Variants in INTS4 observed in about 807,000 individuals in gnomAD.
The protein encoded by INTS4 is MSTP093.
A neutral mutation model predicts 119.5 loss-of-function variants in INTS4; 70 were observed. The ratio of observed to expected loss-of-function variants is 0.59; its 90% CI spans 0.48 to 0.71. The LOEUF is 0.71. INTS4 is among the 30% of genes least tolerant of loss of function. The pLI is 0.00. For synonymous variants in INTS4, 316 were observed against 419.6 expected, an observed-to-expected ratio of 0.75 and a Z score of 3.02; for missense variants, 867 against 1,173.2, an observed-to-expected ratio of 0.74 and a Z score of 3.81.
intron 8 of INTS4, among the ~76,000 whole-genome samples, chr11:77,952,164 T>C (rs757998344): frequency 1.3e-5 from 2 of 152,222 alleles, no homozygotes; most frequent in Middle Eastern, 3.2e-3. Context: ...GTTTATCTAC[T>C]GGAGAGCTGG....
intron 14 of INTS4, among the ~76,000 whole-genome samples, chr11:77,920,312 T>C (rs1350041228): frequency 6.7e-6 from 1 of 148,746 alleles, no homozygotes; most frequent in African/African-American, 2.5e-5. Context: ...TATATAAATG[T>C]TCCTCTAAAT....
intron 4 of INTS4, among the ~76,000 whole-genome samples, chr11:77,976,288 G>A (rs759730033): frequency 5.3e-5 from 8 of 152,158 alleles, no homozygotes; most frequent in Non-Finnish European, 1.2e-4. Context: ...TTGACAAAAA[G>A]TATTAAGAGC....
At chr11:77,986,034 A>G (rs1856444735) in intron 2 of INTS4, among the ~76,000 whole-genome samples, 1 of 152,222 alleles carries the variant, frequency 6.6e-6, no homozygotes, top group Non-Finnish European at 1.5e-5. Context: ...ATGGTCAACA[A>G]TCTAGAACTG....
At chr11:77,960,908 CA>C (rs1565274427) in intron 5 of INTS4, 44 bp downstream of exon 5, 1 of 1,546,114 alleles carries the variant, frequency 6.5e-7, no homozygotes, top group Admixed American at 2.0e-5. Flanking sequence ...ACTTAAAAAA[CA>C]AAAATGAACA....
chr11:77,888,159 C>A (rs1952099579), intron 21 of INTS4, among the ~76,000 whole-genome samples: 1 of 152,188 alleles, frequency 6.6e-6, no homozygotes, highest in Non-Finnish European at 1.5e-5. Context: ...CATCATGCTA[C>A]CTGACTTCAA....
At position 77,955,796 on chromosome 11, in the gene INTS4, T is replaced by C. The variant is rs1167912823; in HGVS notation, c.918+146A>G. ...GGTGTGAGTCACCGCACCCAGCCTA[T>C]AATCCCAGTCTTTTGGGAGGCTGAG... On this transcript the variant is annotated intron_variant, in intron 8 of 22. Coordinates refer to ENST00000534064, the MANE Select transcript of INTS4 (RefSeq NM_033547.4). 8 of 690,316 alleles carry C rather than the reference T, an allele frequency of 1.2e-5. No individual in the cohort carries two copies. The East Asian group carries it at 2.0e-4, about 17-fold the overall frequency. The allele number at this position is 690,316 out of a possible 1,614,324, so 42.8% of individuals were successfully genotyped here. A position where few individuals can be genotyped will look rare whatever the true frequency, so the allele number is the denominator to read the frequency against.
At position 77,976,954 on chromosome 11, in the gene INTS4, A is replaced by G. The variant is rs1472619936; in HGVS notation, c.471+2042T>C. The stretch of plus-strand genomic sequence containing the variant: ...GGTGGGGGAAGGGGGGAGGGATAGC[A>G]TTTGGAGATATACCTAATGTTAAAT... On this transcript the variant is annotated intron_variant, in intron 4 of 22. Coordinates refer to ENST00000534064, the MANE Select transcript of INTS4 (RefSeq NM_033547.4). Among the ~76,000 whole-genome samples the G allele has an allele frequency of 4.6e-5, 7 of 152,286 alleles. No homozygotes were observed. In the East Asian group the frequency reaches 9.6e-4, roughly 21 times the overall value.
intron 1 of INTS4, among the ~76,000 whole-genome samples, chr11:77,993,211 G>C (rs561537710): frequency 8.5e-5 from 13 of 152,316 alleles, no homozygotes; most frequent in Admixed American, 7.8e-4. Flanking sequence ...CCTCCGACTG[G>C]TGGGAAGATA....
rs981955953 is a variant in INTS4 at position 77,973,245 on chromosome 11, T to G, written c.471+5751A>C. 6.6e-5 allele frequency among the ~76,000 whole-genome samples: 10 copies of G among 152,246 alleles called. No homozygotes were observed. The East Asian group carries it at 1.9e-3, about 29-fold the overall frequency. On this transcript the variant is annotated intron_variant, in intron 4 of 22. Transcript: ENST00000534064. ...ATATAAATACAATTTATATTTTGTA[T>G]GCTGATTTTGTATCCTGCAATCTTG...
At chr11:77,898,907 C>T (rs1952649364) in intron 18 of INTS4, among the ~76,000 whole-genome samples, 1 of 152,072 alleles carries the variant, frequency 6.6e-6, no homozygotes, top group Non-Finnish European at 1.5e-5. Context: ...GTAGTCCCAG[C>T]TACTTGGGAG....
chr11:77,966,966 T>C (rs1262170512), intron 4 of INTS4, among the ~76,000 whole-genome samples: 2 of 152,200 alleles, frequency 1.3e-5, no homozygotes, highest in Non-Finnish European at 2.9e-5. Flanking sequence ...GCACTACTAC[T>C]ACCAATGCAC....
intron 22 of INTS4, among the ~76,000 whole-genome samples, chr11:77,882,385 G>A (rs1301455665): frequency 1.1e-5 from 1 of 93,772 alleles, no homozygotes; most frequent in African/African-American, 5.7e-5. Flanking sequence ...CTTGCTGTGT[G>A]ACCAGGGACA....
intron 4 of INTS4, among the ~76,000 whole-genome samples, chr11:77,965,968 C>A (rs1479603045): frequency 6.6e-6 from 1 of 152,146 alleles, no homozygotes; most frequent in African/African-American, 2.4e-5. Flanking sequence ...TCCTTGTCTC[C>A]CCATACCAAC....
chr11:77,943,165 T>TCC (rs1160578922), intron 8 of INTS4, among the ~76,000 whole-genome samples: 1 of 152,104 alleles, frequency 6.6e-6, no homozygotes, highest in Non-Finnish European at 1.5e-5. Context: ...CCCAGTGCCC[T>TCC]CCTCCAATGC....
intron 10 of INTS4, among the ~76,000 whole-genome samples, chr11:77,930,464 G>A (rs1167623377): frequency 6.6e-6 from 1 of 152,092 alleles, no homozygotes; most frequent in African/African-American, 2.4e-5. Flanking sequence ...TTAAGTGCTG[G>A]CTCTTCCTCC....
At chr11:77,948,285 A>T (rs1435994471) in intron 8 of INTS4, among the ~76,000 whole-genome samples, 2 of 152,262 alleles carry the variant, frequency 1.3e-5, no homozygotes, top group Non-Finnish European at 1.5e-5. Context: ...GACAAGAACA[A>T]AGGATCTCCA....
chr11:77,920,510 T>A (rs1015075732), intron 14 of INTS4, among the ~76,000 whole-genome samples: 14 of 151,948 alleles, frequency 9.2e-5, no homozygotes, highest in Non-Finnish European at 4.4e-5. Flanking sequence ...GTTTTATTTT[T>A]AAAAAATAAG....
At chr11:77,945,207 T>C (rs1954019185) in intron 8 of INTS4, among the ~76,000 whole-genome samples, 1 of 152,160 alleles carries the variant, frequency 6.6e-6, no homozygotes, top group South Asian at 2.1e-4. Context: ...TAGAGATACC[T>C]ATCAGTGGTC....
intron 18 of INTS4, chr11:77,900,557 T>G: frequency 1.5e-6 from 1 of 671,876 alleles, no homozygotes; most frequent in Non-Finnish European, 2.7e-6. Flanking sequence ...GGCACTTTTT[T>G]TTTTTTGACA....
Sources: gnomAD v4.1 joint callset for allele counts (sites outside exome capture counted in the v4.1 genomes callset) on GRCh38, gnomAD v4.1.1 for gene constraint, MANE v1.5 for transcripts, NCBI Gene and HGNC (gene_info 2026-07-23, HGNC 2026-07-21) for gene names.